The following CCDC47 variants were observed in gnomAD, a reference collection of about 807,000 sequenced individuals.
The protein encoded by CCDC47 is coiled-coil domain containing 47, also known as PAT complex subunit CCDC47.
In CCDC47, 41 loss-of-function variants were observed where a neutral mutation model predicts 60.5. The ratio of observed to expected loss-of-function variants is 0.68; its 90% CI spans 0.53 to 0.88. CCDC47 has a LOEUF of 0.88. CCDC47 is among the 40% of genes least tolerant of loss of function. CCDC47 has a pLI of 0.00. For synonymous variants in CCDC47, 195 were observed against 190.7 expected (o/e 1.02, Z -0.18); for missense variants, 513 against 580.9 (o/e 0.88, Z 1.20).
At chr17:63,759,576 T>TATAA (rs1568249235) in intron 6 of CCDC47, among the ~76,000 whole-genome samples, 4 of 56,330 alleles carry the variant, frequency 7.1e-5, no homozygotes, top group Admixed American at 4.7e-4. Context: ...TATATATATA[T>TATAA]AAAACAATGA....
intron 1 of CCDC47, among the ~76,000 whole-genome samples, chr17:63,769,749 C>A (rs1464846838): frequency 1.3e-5 from 2 of 151,896 alleles, no homozygotes; most frequent in Admixed American, 1.3e-4. Context: ...AATACACTAA[C>A]ACTAATGATA....
intron 4 of CCDC47, among the ~76,000 whole-genome samples, 172 bp downstream of exon 4, chr17:63,763,844 A>T (rs1212823533): frequency 6.6e-6 from 1 of 151,466 alleles, no homozygotes; most frequent in Non-Finnish European, 1.5e-5. Context: ...TAATAATAAT[A>T]AAATTAAATT....
chr17:63,757,573 A>G (rs999878565), intron 6 of CCDC47, among the ~76,000 whole-genome samples: 1 of 152,126 alleles, frequency 6.6e-6, no homozygotes, highest in African/African-American at 2.4e-5. Context: ...AAACGGTAAC[A>G]TAATAAATGA....
At chr17:63,760,642 T>C (rs992384937) in intron 6 of CCDC47, among the ~76,000 whole-genome samples, 1 of 151,990 alleles carries the variant, frequency 6.6e-6, no homozygotes, top group Non-Finnish European at 1.5e-5. Flanking sequence ...AGTTCGAGAC[T>C]GGCCTGGCCA....
At chr17:63,759,197 A>T (rs984576314) in intron 6 of CCDC47, among the ~76,000 whole-genome samples, 1 of 151,986 alleles carries the variant, frequency 6.6e-6, no homozygotes, top group Non-Finnish European at 1.5e-5. Flanking sequence ...TCTTTAAAAT[A>T]TAACAGTGGG....
chr17:63,752,842 A>C, intron 9 of CCDC47, 43 bp from the exon 10 acceptor site: 3 of 1,594,656 alleles, frequency 1.9e-6, no homozygotes, highest in Non-Finnish European at 2.6e-6. Flanking sequence ...TACAAGAAAG[A>C]TGTTTTCCAT....
rs376726506 is a variant in CCDC47 at position 63,754,781 on chromosome 17, G to T, written c.949-263C>A. Among the ~76,000 whole-genome samples, 9 of 151,780 alleles carry T rather than the reference G, an allele frequency of 5.9e-5. 1 individual carries two copies. The East Asian group carries it at 1.2e-3, about 20-fold the overall frequency. On this transcript the variant is annotated intron_variant, in intron 8 of 12. Coordinates refer to ENST00000225726, the MANE Select transcript of CCDC47 (RefSeq NM_020198.3). ...GCCTGTAACCCCAGCTATCCAAGAG[G>T]CTGAGGCACGAGAAGCGTTTGAACC...
At chr17:63,761,938 T>A in intron 4 of CCDC47, 1 of 688,644 alleles carries the variant, frequency 1.5e-6, no homozygotes, top group Non-Finnish European at 1.8e-6. Context: ...TCTCTCAGAG[T>A]ACATACAAAA....
At chr17:63,759,906 T>C (rs1026270685) in intron 6 of CCDC47, among the ~76,000 whole-genome samples, 2 of 150,594 alleles carry the variant, frequency 1.3e-5, no homozygotes, top group African/African-American at 4.9e-5. Context: ...TCTACTAAAA[T>C]ACAAAAAATT....
At chr17:63,751,263 G>A (rs1023692606) in intron 12 of CCDC47, among the ~76,000 whole-genome samples, 2 of 149,670 alleles carry the variant, frequency 1.3e-5, no homozygotes, top group African/African-American at 4.9e-5. Flanking sequence ...CTACTTGGGA[G>A]GCTGAGGCAG....
intron 1 of CCDC47, among the ~76,000 whole-genome samples, chr17:63,770,113 T>C (rs2039326668): frequency 6.6e-6 from 1 of 151,880 alleles, no homozygotes; most frequent in Non-Finnish European, 1.5e-5. Context: ...GCACTCACCA[T>C]CATGCCTGGC....
At chr17:63,768,987 G>A (rs1403716511) in intron 1 of CCDC47, among the ~76,000 whole-genome samples, 1 of 151,928 alleles carries the variant, frequency 6.6e-6, no homozygotes, top group African/African-American at 2.4e-5. Flanking sequence ...GGGAGGCTGA[G>A]GTATGAGAAT....
In CCDC47 at chr17:63,756,450, T is replaced by A; in HGVS notation, c.837+19A>T. ...AGACACAGTTCTACGTATATTTGAG[T>A]TGGAGCAACCTGACATACCAAATCC... On this transcript the variant is annotated intron_variant, in intron 7 of 12. Transcript: ENST00000225726. 1 of 1,606,642 alleles carries A rather than the reference T, an allele frequency of 6.2e-7. No homozygotes were observed. Among genetic ancestry groups the A allele is most frequent in the Non-Finnish European group, 8.5e-7 (1 of 1,173,222 alleles).
intron 12 of CCDC47, among the ~76,000 whole-genome samples, chr17:63,748,334 A>G (rs1473686129): frequency 6.6e-6 from 1 of 152,048 alleles, no homozygotes. Context: ...GCTGGTGTTG[A>G]ACTCCTGACC....
At position 63,745,593 on chromosome 17, in the gene CCDC47, A is replaced by C. The variant is rs901878785; in HGVS notation, c.*1288T>G. The C allele has an allele frequency of 3.9e-5, 6 of 152,196 alleles. No homozygotes were observed. Among genetic ancestry groups the C allele is most frequent in the African/African-American group, 1.4e-4 (6 of 41,460 alleles). 9.4% of individuals were successfully genotyped at this position (152,196 alleles called of 1,614,324 possible). A position where few individuals can be genotyped will look rare whatever the true frequency, so the allele number is the denominator to read the frequency against. ...ATGTGAAAAGTTTCCATGCAGTTACAAAGGCAGCAGCACATGCTGTTTTCA... is the reference window on the plus strand; with the variant it reads ...ATGTGAAAAGTTTCCATGCAGTTACCAAGGCAGCAGCACATGCTGTTTTCA... On this transcript the variant is annotated 3_prime_UTR_variant, in exon 13 of 13. Transcript: ENST00000225726.
chr17:63,752,133 T>A, intron 11 of CCDC47, 26 bp from the exon 12 acceptor site: 6 of 1,608,212 alleles, frequency 3.7e-6, no homozygotes, highest in Non-Finnish European at 5.1e-6. Context: ...AAGTATTTCA[T>A]AAGAAATCCA....
At chr17:63,766,446 G>T (rs1249090865) in intron 1 of CCDC47, among the ~76,000 whole-genome samples, 1 of 151,682 alleles carries the variant, frequency 6.6e-6, no homozygotes. Context: ...TTTTTGAGAC[G>T]GAGTTTTGCT....
Position 63,754,453 on chromosome 17 carries a change from A to G in CCDC47, c.1014T>C (p.Ser338=). 2 of 1,604,568 alleles carry G rather than the reference A, an allele frequency of 1.2e-6. No homozygotes were observed. The highest frequency in any genetic ancestry group is 1.1e-5 in the South Asian group (1 of 90,556). The part of the protein sequence containing the change: ...IESVHFSDQF[S]GPKIMQEEGQ... ...CGTACTCTTGCATAATTTTTGGACCAGAGAACTGGTCTGAAAAATGAACAG... is the reference window on the plus strand; with the variant it reads ...CGTACTCTTGCATAATTTTTGGACCGGAGAACTGGTCTGAAAAATGAACAG... The change falls in exon 9 of 13, where the codon TCT becomes TCC. Residue 338 remains serine (S), a synonymous_variant. Coordinates refer to ENST00000225726, the MANE Select transcript of CCDC47 (RefSeq NM_020198.3).
At chr17:63,765,852 A>T (rs2144494930) in intron 2 of CCDC47, 60 bp downstream of exon 2, 1 of 1,512,006 alleles carries the variant, frequency 6.6e-7, no homozygotes, top group East Asian at 2.3e-5. Context: ...GATTAATTTT[A>T]ATGTTTGGGA....
Sources: gnomAD v4.1 joint callset for allele counts (sites outside exome capture counted in the v4.1 genomes callset) on GRCh38, gnomAD v4.1.1 for gene constraint, MANE v1.5 for transcripts, NCBI Gene and HGNC (gene_info 2026-07-23, HGNC 2026-07-21) for gene names.